TSHZ3: variants seen among roughly 807,000 people sequenced by gnomAD.
TSHZ3 encodes the protein teashirt homolog 3.
Under a neutral mutation model 64.5 loss-of-function variants are expected in TSHZ3, and 10 were observed. That is an observed-to-expected ratio of 0.16 (90% CI 0.10 to 0.26). The LOEUF (loss-of-function observed/expected upper bound fraction) is 0.26. Among genes scored for constraint, TSHZ3 ranks in the 10% least tolerant of loss-of-function variants. The pLI is 1.00. For missense variants in TSHZ3, 1,242 were observed against 1,421.7 expected (o/e 0.87, Z 2.03); for synonymous variants, 608 against 593.1 (o/e 1.03, Z -0.36).
intron 1 of TSHZ3, among the ~76,000 whole-genome samples, chr19:31,319,221 A>G (rs574288578): frequency 1.3e-5 from 2 of 152,370 alleles, no homozygotes; most frequent in East Asian, 3.9e-4. Flanking sequence ...CAAGCAGGCT[A>G]TGAATAGCAC....
intron 4 of TSHZ3, among the ~76,000 whole-genome samples, chr19:31,211,216 A>T (rs1009676579): frequency 3.3e-5 from 5 of 152,328 alleles, no homozygotes; most frequent in East Asian, 1.9e-4. Context: ...CATTCTTCAG[A>T]CAACTCCTGC....
At position 31,235,642 on chromosome 19, in the gene TSHZ3, CTTTCTTTCTA is replaced by C. The variant is rs934718231; in HGVS notation, n.550+6617_550+6626del. On this transcript the variant is annotated intron_variant and non_coding_transcript_variant, in intron 3 of 6. Coordinates refer to the TSHZ3 transcript ENST00000651361. ...CTCTTTCTTTCTTTCCTCTTTCTTT[CTTTCTTTCTA>C]TTTCTTTCTATTTCTTTCTTCTTTC... Among the ~76,000 whole-genome samples, 150 of 113,102 alleles carry C rather than the reference CTTTCTTTCTA, an allele frequency of 1.3e-3. 4 individuals carry two copies. Among genetic ancestry groups the C allele is most frequent in the Admixed American group, 3.7e-3 (38 of 10,272 alleles). The allele number at this position is 113,102 out of a possible 152,430, so 74.2% of individuals were successfully genotyped here.
intron 1 of TSHZ3, among the ~76,000 whole-genome samples, chr19:31,333,538 G>C (rs1271151003): frequency 1.3e-5 from 2 of 152,130 alleles, no homozygotes; most frequent in African/African-American, 2.4e-5. Flanking sequence ...GGCATGCAGA[G>C]TGTGTTATCT....
chr19:31,157,880 G>A (rs1452094661), intron 5 of TSHZ3, among the ~76,000 whole-genome samples: 2 of 152,162 alleles, frequency 1.3e-5, no homozygotes, highest in African/African-American at 4.8e-5. Flanking sequence ...TGCAGGCCTC[G>A]ATGTTTGAGG....
intron 1 of TSHZ3, among the ~76,000 whole-genome samples, chr19:31,327,385 A>C (rs1419932359): frequency 6.6e-6 from 1 of 152,240 alleles, no homozygotes; most frequent in East Asian, 1.9e-4. Flanking sequence ...AGGTAACTGA[A>C]TATGTGGAGT....
chr19:31,223,709 T>C (rs1456975840), intron 4 of TSHZ3, among the ~76,000 whole-genome samples: 2 of 152,148 alleles, frequency 1.3e-5, no homozygotes, highest in Non-Finnish European at 2.9e-5. Flanking sequence ...AAGTTTCCTG[T>C]CCTGGAAGAA....
rs1434173883 is a variant in TSHZ3 at position 31,157,480 on chromosome 19, C to A, written n.810-1063G>T. ...TAGATACTATAAGATCCACATGTAA[C>A]CTAAATGCCTGGAAGTAGTTACAAT... On this transcript the variant is annotated intron_variant and non_coding_transcript_variant, in intron 5 of 6. Transcript: ENST00000651361. Among the ~76,000 whole-genome samples, 4 of 152,100 alleles carry A rather than the reference C, an allele frequency of 2.6e-5. 1 individual carries two copies. Among genetic ancestry groups the A allele is most frequent in the Admixed American group, 2.6e-4 (4 of 15,270 alleles).
chr19:31,259,808 C>T (rs1975961800), intron 1 of TSHZ3, among the ~76,000 whole-genome samples: 1 of 152,024 alleles, frequency 6.6e-6, no homozygotes, highest in African/African-American at 2.4e-5. Context: ...CATCACGTGC[C>T]CACCCTCTAA....
intron 1 of TSHZ3, among the ~76,000 whole-genome samples, chr19:31,288,389 G>A (rs774316408): frequency 4.6e-5 from 7 of 152,130 alleles, no homozygotes; most frequent in Non-Finnish European, 7.4e-5. Context: ...GGCTCACAAG[G>A]CATCTTGACC....
rs529306978 is a variant in TSHZ3, at chr19:31,337,926, C to T, written c.40+11254G>A. 2.6e-4 allele frequency among the ~76,000 whole-genome samples: 40 copies of T among 152,318 alleles called. 1 individual carries two copies. In the South Asian group the frequency reaches 8.3e-3, roughly 32 times the overall value. ...CATTTCTTTAGGTAGAAAAACTCTT[C>T]CGTTCTAACTTTCTATCCCATCATT... On this transcript the variant is annotated intron_variant, in intron 1 of 1. Coordinates refer to ENST00000240587, the MANE Select transcript of TSHZ3 (RefSeq NM_020856.4).
At chr19:31,270,742 C>A (rs1976123966), downstream of TSHZ3, among the ~76,000 whole-genome samples, 1 of 152,114 alleles carries the variant, frequency 6.6e-6, no homozygotes, top group Non-Finnish European at 1.5e-5. Context: ...ATCTGGATAG[C>A]CATATGTGGC....
In TSHZ3 at chr19:31,221,836, T is replaced by C. The variant is rs116709279; in HGVS notation, n.686+6169A>G. Among the ~76,000 whole-genome samples the C allele has an allele frequency of 3.4e-3, 518 of 152,308 alleles. 2 individuals are homozygous for C. Among genetic ancestry groups the C allele is most frequent in the African/African-American group, 0.012 (492 of 41,560 alleles). ...CTTCACCTTACTTTCAATAATAGCATCCTAATGTGCTTCTGAAAGGTGAAA... is the reference window on the plus strand; with the variant it reads ...CTTCACCTTACTTTCAATAATAGCACCCTAATGTGCTTCTGAAAGGTGAAA... On this transcript the variant is annotated intron_variant and non_coding_transcript_variant, in intron 4 of 6. Coordinates refer to the TSHZ3 transcript ENST00000651361.
chr19:31,159,811 G>A (rs114172594), intron 5 of TSHZ3, among the ~76,000 whole-genome samples: 3,981 of 151,828 alleles, frequency 0.026, 154 homozygotes, highest in African/African-American at 0.088. Flanking sequence ...TCTTACCTCA[G>A]CCCCCCAAGT....
intron 3 of TSHZ3, among the ~76,000 whole-genome samples, chr19:31,241,909 T>C (rs1363290909): frequency 1.3e-5 from 2 of 152,236 alleles, no homozygotes; most frequent in Non-Finnish European, 2.9e-5. Flanking sequence ...AGCTATTCCG[T>C]AAACCTGTGA....
At chr19:31,192,251 C>T (rs1974921760) in intron 5 of TSHZ3, among the ~76,000 whole-genome samples, 1 of 152,150 alleles carries the variant, frequency 6.6e-6, no homozygotes, top group African/African-American at 2.4e-5. Context: ...AAGCAGAAGG[C>T]ACATTTAGAA....
At chr19:31,254,978 A>C (rs546849179) in intron 1 of TSHZ3, among the ~76,000 whole-genome samples, 5 of 152,284 alleles carry the variant, frequency 3.3e-5, no homozygotes, top group East Asian at 3.9e-4. Flanking sequence ...TGGGGAAGGA[A>C]GGAAGTCACT....
chr19:31,327,422 T>C (rs2145176355), intron 1 of TSHZ3, among the ~76,000 whole-genome samples: 1 of 152,338 alleles, frequency 6.6e-6, no homozygotes, highest in African/African-American at 2.4e-5. Flanking sequence ...AATAAATACC[T>C]GAAATCCTTA....
chr19:31,175,234 A>G (rs901717385), intron 5 of TSHZ3, among the ~76,000 whole-genome samples: 1 of 152,128 alleles, frequency 6.6e-6, no homozygotes, highest in Admixed American at 6.5e-5. Flanking sequence ...GAATTCTTAC[A>G]TTGCGCTTTC....
At chr19:31,310,992 T>C (rs189048687) in intron 1 of TSHZ3, among the ~76,000 whole-genome samples, 227 of 152,274 alleles carry the variant, frequency 1.5e-3, no homozygotes, top group Non-Finnish European at 2.0e-3. Flanking sequence ...GGAAGGATCA[T>C]GCAATGTCCA....
Sources: allele counts gnomAD v4.1 joint callset (sites outside exome capture counted in the v4.1 genomes callset), GRCh38; gene constraint gnomAD v4.1.1; transcripts MANE v1.5; gene names NCBI Gene and HGNC (gene_info 2026-07-23, HGNC 2026-07-21).